KLHL2: variants seen among roughly 807,000 people sequenced by gnomAD.
The protein encoded by KLHL2 is kelch-like protein 2.
A neutral mutation model predicts 75.8 loss-of-function variants in KLHL2; 15 were observed. The observed-to-expected ratio is 0.20, with a 90% CI of 0.13 to 0.30. The LOEUF (loss-of-function observed/expected upper bound fraction) is 0.30. Among genes scored for constraint, KLHL2 ranks in the 10% least tolerant of loss-of-function variants. KLHL2 has a pLI of 1.00. For synonymous variants in KLHL2, 214 were observed against 251.9 expected, an observed-to-expected ratio of 0.85 and a Z score of 1.42; for missense variants, 381 against 741.0, an observed-to-expected ratio of 0.51 and a Z score of 5.64.
chr4:165,263,891 T>C (rs1341774750), intron 5 of KLHL2, among the ~76,000 whole-genome samples: 2 of 148,208 alleles, frequency 1.3e-5, no homozygotes, highest in African/African-American at 5.0e-5. Context: ...TATAGATACA[T>C]TTGGTGGAGT....
intron 6 of KLHL2, among the ~76,000 whole-genome samples, chr4:165,294,854 T>G (rs1029315160): frequency 6.6e-6 from 1 of 152,256 alleles, no homozygotes; most frequent in Non-Finnish European, 1.5e-5. Flanking sequence ...ACATAATATT[T>G]GTCACTAAAT....
At chr4:165,299,792 A>G (rs1745210608) in intron 8 of KLHL2, 136 bp downstream of exon 8, 2 of 683,646 alleles carry the variant, frequency 2.9e-6, no homozygotes, top group African/African-American at 3.6e-5. Flanking sequence ...CTAAGAATGC[A>G]TTGTAGTGTA....
intron 13 of KLHL2, among the ~76,000 whole-genome samples, chr4:165,317,472 T>A (rs1289527620): frequency 6.6e-6 from 1 of 151,962 alleles, no homozygotes; most frequent in Non-Finnish European, 1.5e-5. Context: ...CAAGTGATTC[T>A]CCGGCTTCAG....
chr4:165,264,737 T>TATATATATATATAC (rs1560784071), intron 5 of KLHL2, among the ~76,000 whole-genome samples: 2 of 75,540 alleles, frequency 2.6e-5, no homozygotes, highest in South Asian at 4.6e-4. Context: ...TATATATATA[T>TATATATATATATAC]ATGTATATAT....
At chr4:165,302,287 G>A (rs1745407948) in intron 8 of KLHL2, among the ~76,000 whole-genome samples, 1 of 152,188 alleles carries the variant, frequency 6.6e-6, no homozygotes, top group East Asian at 1.9e-4. Context: ...TGTCATTTTA[G>A]AGTTGTTATG....
intron 14 of KLHL2, among the ~76,000 whole-genome samples, chr4:165,318,371 T>G (rs1346719776): frequency 6.6e-6 from 1 of 152,224 alleles, no homozygotes; most frequent in Non-Finnish European, 1.5e-5. Flanking sequence ...TAATTTTTCT[T>G]TCTTAAGCAT....
At chr4:165,299,748 TA>T (rs1745208468) in intron 8 of KLHL2, 92 bp downstream of exon 8, 19 of 1,196,648 alleles carry the variant, frequency 1.6e-5, no homozygotes, top group Non-Finnish European at 2.2e-5. Context: ...TTCCGTGATT[TA>T]TTGTTTTAGT....
chr4:165,260,814 C>T (rs1391542619), intron 4 of KLHL2, among the ~76,000 whole-genome samples: 4 of 152,114 alleles, frequency 2.6e-5, no homozygotes, highest in Non-Finnish European at 5.9e-5. Flanking sequence ...AGATTTTGTG[C>T]ATATGTTAGC....
At chr4:165,296,476 C>T (rs1019622645) in intron 6 of KLHL2, among the ~76,000 whole-genome samples, 5 of 152,158 alleles carry the variant, frequency 3.3e-5, no homozygotes, top group African/African-American at 4.8e-5. Flanking sequence ...TCCCTTCCTC[C>T]GCACTCTACT....
chr4:165,252,413 A>C (rs1740810878), intron 4 of KLHL2, among the ~76,000 whole-genome samples: 2 of 152,026 alleles, frequency 1.3e-5, no homozygotes, highest in South Asian at 4.1e-4. Flanking sequence ...CAAAGGTTTT[A>C]TAAACCCTAG....
At chr4:165,216,587 A>C (rs536682726) in intron 1 of KLHL2, among the ~76,000 whole-genome samples, 3 of 152,170 alleles carry the variant, frequency 2.0e-5, no homozygotes, top group Non-Finnish European at 2.9e-5. Context: ...ATGTGGTACA[A>C]CCTAAAGGGT....
rs559651148 is a variant in KLHL2, at chr4:165,314,393, A to G, written c.1609+227A>G. On this transcript the variant is annotated intron_variant, in intron 13 of 14. Transcript: ENST00000226725. ...ACAGGTTGTTGTGACACTTCAGTAA[A>G]CTCATCATTTCTACTAGCTGCTACT... Among the ~76,000 whole-genome samples, 5 of 152,178 alleles carry G rather than the reference A, an allele frequency of 3.3e-5. No individual in the cohort carries two copies. In the East Asian group the frequency reaches 5.8e-4, roughly 18 times the overall value.
chr4:165,220,589 A>G (rs1023975039), intron 2 of KLHL2, among the ~76,000 whole-genome samples: 1 of 152,182 alleles, frequency 6.6e-6, no homozygotes, highest in Non-Finnish European at 1.5e-5. Flanking sequence ...ATAAGAGAAT[A>G]TATTATTGAA....
intron 5 of KLHL2, among the ~76,000 whole-genome samples, chr4:165,271,264 G>GATTCT (rs1216608630): frequency 1.3e-5 from 2 of 152,036 alleles, no homozygotes; most frequent in Non-Finnish European, 2.9e-5. Context: ...TCATGGTGTT[G>GATTCT]ATTCTTCTAG....
In KLHL2 at chr4:165,274,059, ATTTTTCTTTTTC is replaced by A. The variant is rs141710832; in HGVS notation, c.544+10723_544+10734del. On this transcript the variant is annotated intron_variant, in intron 5 of 14. Transcript: ENST00000226725. ...AGGACACAGTGGCAGTAAAGTTAATATTTTTCTTTTTCTTTTTCTTTTTCTTTTTCTTTTCCC... is the reference window on the plus strand; with the variant it reads ...AGGACACAGTGGCAGTAAAGTTAATATTTTTCTTTTTCTTTTTCTTTTCCC... Among the ~76,000 whole-genome samples, 215 of 151,386 alleles carry A rather than the reference ATTTTTCTTTTTC, an allele frequency of 1.4e-3. 1 individual carries two copies. The highest frequency in any genetic ancestry group is 2.2e-3 in the Non-Finnish European group (148 of 67,980).
intron 7 of KLHL2, 115 bp downstream of exon 7, chr4:165,297,840 A>T: frequency 1.3e-6 from 1 of 748,244 alleles, no homozygotes; most frequent in East Asian, 2.5e-5. Flanking sequence ...TGTGGAGTAC[A>T]GGACAGAAGA....
intron 5 of KLHL2, among the ~76,000 whole-genome samples, chr4:165,289,012 C>T (rs1744305683): frequency 6.6e-6 from 1 of 152,106 alleles, no homozygotes; most frequent in Non-Finnish European, 1.5e-5. Context: ...AACAGGTGAG[C>T]TGCACTAGGC....
intron 5 of KLHL2, among the ~76,000 whole-genome samples, chr4:165,281,045 G>A (rs1044405028): frequency 6.6e-6 from 1 of 152,136 alleles, no homozygotes; most frequent in African/African-American, 2.4e-5. Context: ...GCTGCTTGTG[G>A]ATCTCAGAGA....
chr4:165,321,322 G>T (rs1005632418), intron 14 of KLHL2: 1 of 455,770 alleles, frequency 2.2e-6, no homozygotes, highest in African/African-American at 2.0e-5. Context: ...CCTGCTCAAT[G>T]TGAAGAGACA....
Sources: allele counts gnomAD v4.1 joint callset (sites outside exome capture counted in the v4.1 genomes callset), GRCh38; gene constraint gnomAD v4.1.1; transcripts MANE v1.5; gene names NCBI Gene and HGNC (gene_info 2026-07-23, HGNC 2026-07-21).